The following NEMF variants were observed in gnomAD, a reference collection of about 807,000 sequenced individuals.
NEMF encodes ribosome quality control complex subunit NEMF.
In NEMF, 89 loss-of-function variants were observed where a neutral mutation model predicts 162.2. The ratio of observed to expected loss-of-function variants is 0.55; its 90% CI spans 0.46 to 0.65. The LOEUF is 0.65. NEMF is among the 30% of genes least tolerant of loss of function. The probability of loss-of-function intolerance (pLI) is 0.00; values close to 1 mark genes in which losing one functional copy is unlikely to be tolerated. For missense variants in NEMF, 1,133 were observed against 1,261.9 expected, an observed-to-expected ratio of 0.90 and a Z score of 1.55; for synonymous variants, 421 against 404.5, an observed-to-expected ratio of 1.04 and a Z score of -0.49.
In NEMF at chr14:49,834,399, C is replaced by T. The variant is rs768893142; in HGVS notation, c.625G>A (p.Gly209Ser). 32 of 1,608,608 alleles carry T rather than the reference C, an allele frequency of 2.0e-5. No homozygotes were observed. The highest frequency in any genetic ancestry group is 3.3e-4 in the Middle Eastern group (2 of 6,080). ...AGTTTTTCATCCACTTTGACATTAC[C>T]CGAGAATCCATTTTCTAAAAGACAG... is the stretch of plus-strand genomic sequence containing the variant. ...EHCLLENGFS[G>S]NVKVDEKLET... The change falls in exon 7 of 33, where the codon GGT (glycine) becomes AGT (serine). Residue 209 changes from glycine to serine, a missense_variant. By Grantham distance (56) the Gly-to-Ser change is moderately conservative. Around this residue, in one of 3 missense-constraint regions of NEMF, gnomAD observed 582 missense variants for 631.5 expected, o/e 0.92. Transcript: ENST00000298310.
intron 10 of NEMF, 107 bp downstream of exon 10, chr14:49,831,944 A>C: frequency 1.4e-6 from 1 of 696,144 alleles, no homozygotes. Context: ...CCAGATTCAC[A>C]GTGAATGTAA....
At chr14:49,838,653 C>A (rs376794890) in intron 5 of NEMF, among the ~76,000 whole-genome samples, 1 of 148,342 alleles carries the variant, frequency 6.7e-6, no homozygotes, top group Admixed American at 6.8e-5. Context: ...GGCACGATCT[C>A]GGCTCGCTAC....
rs1179246601 is a variant in NEMF at position 49,784,465 on chromosome 14, T to G, written c.*171A>C. On this transcript the variant is annotated 3_prime_UTR_variant, in exon 33 of 33. Coordinates refer to ENST00000298310, the MANE Select transcript of NEMF (RefSeq NM_004713.6). ...AAATCCTATCATAGACAGTGTTTCCTCTATATAAAACTGGGAAAAAACAAG... is the reference window on the plus strand; with the variant it reads ...AAATCCTATCATAGACAGTGTTTCCGCTATATAAAACTGGGAAAAAACAAG... 5.4e-6 allele frequency: 3 copies of G among 555,806 alleles called. No individual in the cohort carries two copies. Among genetic ancestry groups the G allele is most frequent in the African/African-American group, 3.8e-5 (2 of 52,436 alleles). 34.4% of individuals were successfully genotyped at this position (555,806 alleles called of 1,614,324 possible).
intron 19 of NEMF, among the ~76,000 whole-genome samples, chr14:49,804,490 A>C (rs1891096181): frequency 6.6e-6 from 1 of 151,178 alleles, no homozygotes; most frequent in Non-Finnish European, 1.5e-5. Context: ...AGCCTGGCTA[A>C]GATGGTGAAA....
chr14:49,838,779 T>TTTC (rs1893042882), intron 5 of NEMF, among the ~76,000 whole-genome samples: 1 of 151,844 alleles, frequency 6.6e-6, no homozygotes, highest in Admixed American at 6.6e-5. Context: ...AGAGACGGGG[T>TTTC]TTCACCGTGT....
intron 19 of NEMF, among the ~76,000 whole-genome samples, chr14:49,804,008 CTT>C (rs777983337): frequency 1.2e-4 from 17 of 139,488 alleles, no homozygotes; most frequent in Admixed American, 2.1e-4. Flanking sequence ...AAAGTTTTGC[CTT>C]TTTTTTTTTT....
intron 3 of NEMF, among the ~76,000 whole-genome samples, chr14:49,848,608 A>T (rs1893625962): frequency 6.6e-6 from 1 of 152,154 alleles, no homozygotes; most frequent in Admixed American, 6.6e-5. Context: ...AGGCCGAGGC[A>T]GGCGGATCAC....
rs780442972 is a variant in NEMF, at chr14:49,799,207, C to CAAAAAAAAAAAAAAAAAAAAAAAAA, written c.2465+243_2465+267dup. Among the ~76,000 whole-genome samples, 2 of 59,062 alleles carry CAAAAAAAAAAAAAAAAAAAAAAAAA rather than the reference C, an allele frequency of 3.4e-5. 1 individual carries two copies. The highest frequency in any genetic ancestry group is 5.6e-5 in the Non-Finnish European group (2 of 35,932). 38.7% of individuals were successfully genotyped at this position (59,062 alleles called of 152,430 possible). A position where few individuals can be genotyped will look rare whatever the true frequency, so the allele number is the denominator to read the frequency against. On this transcript the variant is annotated intron_variant, in intron 25 of 32. Transcript: ENST00000298310. ...TGGGCAACAAAGCGAGACCCTGTTTCAAAAAAAAAAAAAAAAAAAAAAAAA... is the reference window on the plus strand; with the variant it reads ...TGGGCAACAAAGCGAGACCCTGTTTCAAAAAAAAAAAAAAAAAAAAAAAAAAAAAAAAAAAAAAAAAAAAAAAAAA...
chr14:49,820,202 G>C, intron 16 of NEMF: 1 of 283,528 alleles, frequency 3.5e-6, no homozygotes, highest in South Asian at 2.9e-5. Context: ...TGCCCGCCTC[G>C]GCCTCCCAAA....
At chr14:49,829,021 A>G in intron 13 of NEMF, 33 bp downstream of exon 13, 1 of 1,559,554 alleles carries the variant, frequency 6.4e-7, no homozygotes, top group East Asian at 2.2e-5. Flanking sequence ...AATAAAGACA[A>G]GCATTAACTG....
intron 4 of NEMF, among the ~76,000 whole-genome samples, chr14:49,841,345 A>T (rs8012644): frequency 3.3e-5 from 5 of 151,924 alleles, no homozygotes; most frequent in Middle Eastern, 3.2e-3. Context: ...GAGGCCGAGG[A>T]AGGAGGATCA....
At chr14:49,834,062 A>ATTT in intron 7 of NEMF, 8 of 400,492 alleles carry the variant, frequency 2.0e-5, no homozygotes, top group South Asian at 6.5e-5. Context: ...ATCTCATTCA[A>ATTT]TTTTTTTTTT....
chr14:49,820,862 C>T (rs1165937900), intron 16 of NEMF, among the ~76,000 whole-genome samples: 6 of 152,150 alleles, frequency 3.9e-5, no homozygotes, highest in South Asian at 2.1e-4. Flanking sequence ...ACGAGTGATC[C>T]GCCAGCCTCG....
At chr14:49,813,671 GT>G (rs1480953796) in intron 18 of NEMF, among the ~76,000 whole-genome samples, 6 of 144,530 alleles carry the variant, frequency 4.2e-5, no homozygotes, top group Non-Finnish European at 7.7e-5. Context: ...AGGTGTGTGT[GT>G]GTGTGTGTGT....
At chr14:49,819,301 CAG>C (rs1891874940) in intron 16 of NEMF, among the ~76,000 whole-genome samples, 1 of 151,898 alleles carries the variant, frequency 6.6e-6, no homozygotes, top group South Asian at 2.1e-4. Context: ...ACACAAAAAA[CAG>C]AGTAACTACG....
intron 1 of NEMF, 124 bp from the exon 2 acceptor site, chr14:49,851,999 A>G (rs1456447123): frequency 6.5e-6 from 4 of 613,202 alleles, no homozygotes; most frequent in Non-Finnish European, 1.1e-5. Flanking sequence ...TCAGCCGAGG[A>G]GCAGAGTCTG....
rs923997924 is a variant in NEMF, at chr14:49,801,930, T to A, written c.2095+523A>T. ...CACTATATAAACATACATTAAAGTA[T>A]GTTAGTATGGATCCAATTAAATACT... is the stretch of plus-strand genomic sequence containing the variant. On this transcript the variant is annotated intron_variant, in intron 22 of 32. Coordinates refer to ENST00000298310, the MANE Select transcript of NEMF (RefSeq NM_004713.6). Among the ~76,000 whole-genome samples, 7 of 151,996 alleles carry A rather than the reference T, an allele frequency of 4.6e-5. No homozygotes were observed. The South Asian group carries it at 8.3e-4, about 18-fold the overall frequency.
At position 49,798,334 on chromosome 14, in the gene NEMF, C is replaced by G. The variant is rs149423432; in HGVS notation, c.2465+1141G>C. Among the ~76,000 whole-genome samples, 67 of 152,318 alleles carry G rather than the reference C, an allele frequency of 4.4e-4. 2 individuals carry two copies. In the East Asian group the frequency reaches 9.2e-3, roughly 21 times the overall value. Reference sequence around the variant, plus strand: ...TGCAAATAATCCTTGATTTAACCCACTACCACTACAACTGCCATCACTCAT... The same window carrying G: ...TGCAAATAATCCTTGATTTAACCCAGTACCACTACAACTGCCATCACTCAT... On this transcript the variant is annotated intron_variant, in intron 25 of 32. Transcript: ENST00000298310.
intron 32 of NEMF, 24 bp downstream of exon 32, chr14:49,784,901 T>TGGTAAA: frequency 3.8e-6 from 6 of 1,595,438 alleles, no homozygotes; most frequent in Non-Finnish European, 4.3e-6. Flanking sequence ...GTCTCCACAT[T>TGGTAAA]CCTTTTCTGA....
Sources: allele counts gnomAD v4.1 joint callset (sites outside exome capture counted in the v4.1 genomes callset), GRCh38; gene constraint gnomAD v4.1.1; regional missense constraint gnomAD v4.1.1; transcripts MANE v1.5; gene names NCBI Gene and HGNC (gene_info 2026-07-23, HGNC 2026-07-21).